MRPS22: variants seen among roughly 807,000 people sequenced by gnomAD.
MRPS22 encodes mitochondrial ribosomal protein S22, also known as small ribosomal subunit protein mS22.
Under a neutral mutation model 44.0 loss-of-function variants are expected in MRPS22, and 30 were observed. The observed-to-expected ratio is 0.68, with a 90% CI of 0.51 to 0.93. MRPS22 has a LOEUF of 0.93. MRPS22 is among the 40% of genes least tolerant of loss of function. The probability of loss-of-function intolerance (pLI) is 0.00; values close to 1 mark genes in which losing one functional copy is unlikely to be tolerated. For missense variants in MRPS22, 447 were observed against 447.8 expected (o/e 1.00, Z 0.02); for synonymous variants, 165 against 154.4 (o/e 1.07, Z -0.51).
intron 1 of MRPS22, among the ~76,000 whole-genome samples, chr3:139,346,622 A>G (rs770212768): frequency 6.6e-6 from 1 of 152,210 alleles, no homozygotes; most frequent in Non-Finnish European, 1.5e-5. Flanking sequence ...CAGTTATTAC[A>G]TTAATTACTT....
At chr3:139,346,263 A>C (rs895476881) in intron 1 of MRPS22, among the ~76,000 whole-genome samples, 1 of 152,010 alleles carries the variant, frequency 6.6e-6, no homozygotes, top group Non-Finnish European at 1.5e-5. Flanking sequence ...TGACCCTGTC[A>C]TGCCCATCCC....
chr3:139,344,946 A>AT, intron 1 of MRPS22, among the ~76,000 whole-genome samples: 1 of 152,326 alleles, frequency 6.6e-6, no homozygotes, highest in Non-Finnish European at 1.5e-5. Context: ...GACACATTAA[A>AT]TTTGAGGTGA....
intron 4 of MRPS22, 80 bp downstream of exon 4, chr3:139,350,402 C>A: frequency 1.4e-6 from 2 of 1,476,106 alleles, no homozygotes; most frequent in Non-Finnish European, 1.9e-6. Flanking sequence ...TGCCTTGATC[C>A]AGATAAACAT....
chr3:139,347,564 A>G (rs554676621), intron 2 of MRPS22, among the ~76,000 whole-genome samples: 1 of 152,342 alleles, frequency 6.6e-6, no homozygotes, highest in South Asian at 2.1e-4. Flanking sequence ...TCTCTCCAGT[A>G]GTAGATTACA....
chr3:139,356,752 G>T (rs1941280892), intron 7 of MRPS22, among the ~76,000 whole-genome samples, 167 bp from the exon 8 acceptor site: 1 of 150,666 alleles, frequency 6.6e-6, no homozygotes, highest in African/African-American at 2.4e-5. Context: ...CTGTCCATGT[G>T]TGTTTATTAA....
At chr3:139,347,700 GT>G (rs1295437549) in intron 2 of MRPS22, among the ~76,000 whole-genome samples, 1 of 152,194 alleles carries the variant, frequency 6.6e-6, no homozygotes, top group Non-Finnish European at 1.5e-5. Flanking sequence ...TCAAATACCA[GT>G]GTTGCAATTT....
At chr3:139,350,489 G>C (rs951415150) in intron 4 of MRPS22, 167 bp downstream of exon 4, 8 of 700,936 alleles carry the variant, frequency 1.1e-5, no homozygotes, top group African/African-American at 3.6e-5. Flanking sequence ...GTGCAGTGGC[G>C]GGATCTCAGC....
At chr3:139,344,690 G>T (rs1178910755) in intron 1 of MRPS22, 1 of 701,356 alleles carries the variant, frequency 1.4e-6, no homozygotes, top group Non-Finnish European at 2.6e-6. Context: ...ATGAGACTGA[G>T]CACAGATATT....
rs777835541 is a variant in MRPS22 at position 139,344,167 on chromosome 3, G to T, written c.141G>T (p.Gly47=). The change falls in exon 1 of 8, where the codon GGG becomes GGT. Residue 47 remains glycine, a synonymous_variant. Transcript: ENST00000680020. Reference sequence around the variant, plus strand: ...CGCTACCTTGCTCTTTCGAGATGGGGCTGCCACGCCGCCGGTTCAGCTCCG... The same window carrying T: ...CGCTACCTTGCTCTTTCGAGATGGGTCTGCCACGCCGCCGGTTCAGCTCCG... ...LQPLPCSFEM[G]LPRRRFSSEA... The T allele has an allele frequency of 3.7e-6, 6 of 1,610,670 alleles. No homozygotes were observed. The Admixed American group carries it at 5.0e-5, about 13-fold the overall frequency.
chr3:139,349,346 C>A (rs977282999), intron 3 of MRPS22: 8 of 449,686 alleles, frequency 1.8e-5, no homozygotes, highest in African/African-American at 1.6e-4. Context: ...GAAGTTTCAT[C>A]TATGTTATCT....
At chr3:139,346,009 T>C (rs992579557) in intron 1 of MRPS22, among the ~76,000 whole-genome samples, 1 of 152,182 alleles carries the variant, frequency 6.6e-6, no homozygotes, top group Non-Finnish European at 1.5e-5. Flanking sequence ...TAGGAACAAA[T>C]GGCTTTTTCT....
At chr3:139,350,077 A>G (rs1176268548) in intron 3 of MRPS22, 102 bp from the exon 4 acceptor site, 2 of 1,374,750 alleles carry the variant, frequency 1.5e-6, no homozygotes, top group Non-Finnish European at 2.1e-6. Flanking sequence ...ATTGCATTTT[A>G]TATTGTTGAT....
intron 1 of MRPS22, among the ~76,000 whole-genome samples, chr3:139,346,534 A>G (rs972427147): frequency 3.3e-5 from 5 of 152,218 alleles, no homozygotes; most frequent in Non-Finnish European, 7.3e-5. Context: ...CTATTTTGTG[A>G]GTGGTTATAA....
intron 1 of MRPS22, chr3:139,344,462 C>G: frequency 1.6e-6 from 1 of 612,900 alleles, no homozygotes; most frequent in East Asian, 2.7e-5. Context: ...AAGACTGACA[C>G]AGACATTTCC....
Position 139,357,123 on chromosome 3 carries a change from C to A in MRPS22, c.*109C>A. Reference sequence around the variant, plus strand: ...GATTAAAAGATATCAATTTGTAGTTCTCCCTACAAAGCAAAAATTATTACC... The same window carrying A: ...GATTAAAAGATATCAATTTGTAGTTATCCCTACAAAGCAAAAATTATTACC... On this transcript the variant is annotated 3_prime_UTR_variant, in exon 8 of 8. Transcript: ENST00000680020. 1 of 937,308 alleles carries A rather than the reference C, an allele frequency of 1.1e-6. No homozygotes were observed. The highest frequency in any genetic ancestry group is 1.5e-5 in the South Asian group (1 of 66,408). The allele number at this position is 937,308 out of a possible 1,614,324, so 58.1% of individuals were successfully genotyped here.
At chr3:139,347,473 CTT>C (rs1307387166) in intron 2 of MRPS22, among the ~76,000 whole-genome samples, 1 of 152,140 alleles carries the variant, frequency 6.6e-6, no homozygotes, top group East Asian at 1.9e-4. Context: ...GTGGAAAACA[CTT>C]TGATGTATGA....
intron 5 of MRPS22, chr3:139,351,500 G>T (rs1576363749): frequency 4.0e-6 from 1 of 249,988 alleles, no homozygotes; most frequent in East Asian, 9.8e-5. Flanking sequence ...CTAGGATAGA[G>T]TATGCTGTGC....
chr3:139,354,500 T>C (rs1941208363), intron 6 of MRPS22, among the ~76,000 whole-genome samples: 1 of 152,230 alleles, frequency 6.6e-6, no homozygotes, highest in Admixed American at 6.5e-5. Flanking sequence ...GTGGACTTTG[T>C]TAGATTATAA....
chr3:139,349,131 GAGTTTCAATTTTAATTAC>G (rs1941100111), intron 3 of MRPS22: 1 of 346,736 alleles, frequency 2.9e-6, no homozygotes. Flanking sequence ...ATGAGTCACA[GAGTTTCAATTTTAATTAC>G]AGTTTTTGTT....
Sources: allele counts gnomAD v4.1 joint callset (sites outside exome capture counted in the v4.1 genomes callset), GRCh38; gene constraint gnomAD v4.1.1; transcripts MANE v1.5; gene names NCBI Gene and HGNC (gene_info 2026-07-23, HGNC 2026-07-21).